Variants in HPS5 observed in about 807,000 individuals in gnomAD.
The protein encoded by HPS5 is HPS5 biogenesis of lysosomal organelles complex 2 subunit 2.
HPS5 carries 83 observed loss-of-function variants against 128.0 expected under a neutral mutation model. The observed-to-expected ratio is 0.65, with a 90% CI of 0.54 to 0.78. HPS5 has a LOEUF of 0.78. HPS5 is among the 30% of genes least tolerant of loss of function. The pLI is 0.00. For missense variants in HPS5, 1,281 were observed against 1,326.2 expected, an observed-to-expected ratio of 0.97 and a Z score of 0.53; for synonymous variants, 475 against 470.2, an observed-to-expected ratio of 1.01 and a Z score of -0.13.
At chr11:18,299,955 G>A (rs1861504857) in intron 9 of HPS5, among the ~76,000 whole-genome samples, 1 of 152,152 alleles carries the variant, frequency 6.6e-6, no homozygotes, top group Non-Finnish European at 1.5e-5. Flanking sequence ...GCAGAACAGA[G>A]GTGACTAGAT....
intron 2 of HPS5, among the ~76,000 whole-genome samples, chr11:18,315,807 G>T (rs1220817322): frequency 1.3e-5 from 2 of 152,106 alleles, no homozygotes; most frequent in Non-Finnish European, 2.9e-5. Context: ...TTATCTGGGG[G>T]ATTTTACCTG....
rs762866124 is a variant in HPS5 at position 18,312,015 on chromosome 11, T to C, written c.118A>G (p.Ile40Val). The change falls in exon 3 of 23, where the codon ATA becomes GTA. Residue 40 changes from isoleucine (I) to valine (V), a missense_variant. Coordinates refer to ENST00000349215, the MANE Select transcript of HPS5 (RefSeq NM_181507.2). Reference sequence around the variant, plus strand: ...GCCAACCATTTCCGAGACACAGCTATGCTCGTGCACTAAAAACATGTGAAG... The same window carrying C: ...GCCAACCATTTCCGAGACACAGCTACGCTCGTGCACTAAAAACATGTGAAG... Reference protein sequence around the residue: ...LDSSRLKCTSIAVSRKWLALG... With the variant: ...LDSSRLKCTSVAVSRKWLALG... 8 of 1,612,798 alleles carry C rather than the reference T, an allele frequency of 5.0e-6. No individual in the cohort carries two copies. The South Asian group carries it at 8.8e-5, about 18-fold the overall frequency.
intron 18 of HPS5, among the ~76,000 whole-genome samples, chr11:18,287,269 C>T (rs1050227702): frequency 1.6e-4 from 25 of 152,204 alleles, no homozygotes; most frequent in Admixed American, 1.3e-4. Context: ...AGCTTATCTT[C>T]TTAGTTCAGG....
intron 4 of HPS5, 41 bp downstream of exon 4, chr11:18,311,346 G>T: frequency 2.2e-6 from 3 of 1,347,918 alleles, no homozygotes; most frequent in Non-Finnish European, 3.2e-6. Context: ...AATTTAAAAT[G>T]CATTTGAAAA....
intron 9 of HPS5, among the ~76,000 whole-genome samples, chr11:18,299,183 T>C (rs909642715): frequency 2.0e-5 from 3 of 152,244 alleles, no homozygotes; most frequent in African/African-American, 7.2e-5. Context: ...AAGAAAGAAC[T>C]ATATCTCTCT....
At chr11:18,283,471 G>A (rs1274718669) in intron 21 of HPS5, among the ~76,000 whole-genome samples, 1 of 150,920 alleles carries the variant, frequency 6.6e-6, no homozygotes, top group African/African-American at 2.4e-5. Flanking sequence ...TCTGGAAAGT[G>A]GAAATAATAG....
At chr11:18,285,668 C>T (rs1334004822) in intron 19 of HPS5, among the ~76,000 whole-genome samples, 1 of 152,106 alleles carries the variant, frequency 6.6e-6, no homozygotes, top group African/African-American at 2.4e-5. Context: ...TAATCAAAAG[C>T]AAAAGAAATA....
chr11:18,300,865 A>G lies in HPS5; in HGVS notation c.948T>C (p.Pro316=), dbSNP rs1435931262. The change falls in exon 9 of 23, where the codon CCT becomes CCC. Residue 316 remains proline, a synonymous_variant. Coordinates refer to ENST00000349215, the MANE Select transcript of HPS5 (RefSeq NM_181507.2). ...WTERGIYIFI[P]QNVQVLLWSE... ...TCCAAAGAAGAACTTGAACATTCTG[A>G]GGAATGAAAATATAAATTCCTCTTT... is the stretch of plus-strand genomic sequence containing the variant. The G allele has an allele frequency of 6.3e-7, 1 of 1,598,504 alleles. No individual in the cohort carries two copies. The highest frequency in any genetic ancestry group is 2.2e-5 in the East Asian group (1 of 44,798).
chr11:18,315,517 G>A (rs975128461), intron 2 of HPS5, among the ~76,000 whole-genome samples: 18 of 152,002 alleles, frequency 1.2e-4, no homozygotes, highest in African/African-American at 4.4e-4. Context: ...GGAGGCTGAG[G>A]CACAAGACTC....
At chr11:18,282,330 A>C (rs1859096834) in intron 21 of HPS5, 110 bp from the exon 22 acceptor site, 1 of 1,235,760 alleles carries the variant, frequency 8.1e-7, no homozygotes. Flanking sequence ...AAAATATTCA[A>C]GAACACAATC....
At chr11:18,318,126 C>T (rs1469248324) in intron 1 of HPS5, among the ~76,000 whole-genome samples, 1 of 152,172 alleles carries the variant, frequency 6.6e-6, no homozygotes, top group Non-Finnish European at 1.5e-5. Context: ...ATTCTCAGGG[C>T]CCTCCATAAG....
At chr11:18,300,720 AGTCAT>A in intron 9 of HPS5, 103 bp downstream of exon 9, 1 of 536,714 alleles carries the variant, frequency 1.9e-6, no homozygotes, top group Non-Finnish European at 3.4e-6. Context: ...AAAAAAAAAA[AGTCAT>A]CCCATCCTAT....
chr11:18,293,124 CA>C, intron 14 of HPS5, 148 bp from the exon 15 acceptor site: 1 of 709,110 alleles, frequency 1.4e-6, no homozygotes, highest in Non-Finnish European at 2.6e-6. Flanking sequence ...CGGGTTCAAG[CA>C]ATTCTCCCTG....
intron 4 of HPS5, 116 bp from the exon 5 acceptor site, chr11:18,311,049 G>C (rs1862926451): frequency 2.5e-6 from 2 of 794,646 alleles, no homozygotes; most frequent in South Asian, 3.0e-5. Context: ...TCAGAAAAGA[G>C]GAAGTATTAT....
Position 18,287,548 on chromosome 11 carries a change from G to C in HPS5, c.2704C>G (p.Pro902Ala), listed in dbSNP as rs761180374. The C allele has an allele frequency of 3.1e-6, 5 of 1,614,104 alleles. No homozygotes were observed. In the East Asian group the frequency reaches 8.9e-5, roughly 29 times the overall value. ...TCTCCTTCTCACCGCTGATCTTCAG[G>C]CCTTGATTTCACCAGACTGTCTAAA... is the stretch of plus-strand genomic sequence containing the variant. ...AYLDSLVKSR[P>A]EDQRSSFLES... Residue 902 changes from proline (P) to alanine (A), a missense_variant, in exon 18 of 23, where the codon CCT (proline) becomes GCT (alanine). Coordinates refer to ENST00000349215, the MANE Select transcript of HPS5 (RefSeq NM_181507.2).
At chr11:18,301,708 T>C (rs950827995) in intron 8 of HPS5, among the ~76,000 whole-genome samples, 2 of 152,176 alleles carry the variant, frequency 1.3e-5, no homozygotes, top group African/African-American at 4.8e-5. Context: ...TGCTCAACGA[T>C]GTGCCAGGAG....
chr11:18,285,514 CTTAT>C (rs1564929411), intron 19 of HPS5, 55 bp from the exon 20 acceptor site: 1 of 1,168,308 alleles, frequency 8.6e-7, no homozygotes. Flanking sequence ...CTAGAAAATG[CTTAT>C]TTATCACCTA....
In HPS5 at chr11:18,287,893, C is replaced by T. The variant is rs200189057; in HGVS notation, c.2561G>A (p.Arg854Gln). 6.9e-5 allele frequency: 112 copies of T among 1,613,832 alleles called. No homozygotes were observed. Among genetic ancestry groups the T allele is most frequent in the Non-Finnish European group, 8.7e-5 (103 of 1,179,994 alleles). ...DSPLLVVYAT[R>Q]LYEKFGESAL... Reference sequence around the variant, plus strand: ...ATAAACAATATACAGGACAACTTACCGGGTAGCATAAACAACCAACAACGG... The same window carrying T: ...ATAAACAATATACAGGACAACTTACTGGGTAGCATAAACAACCAACAACGG... Residue 854 changes from arginine to glutamine, a missense_variant and splice_region_variant, in exon 17 of 23, where the codon CGG becomes CAG. Physicochemically the swap from Arg to Gln is conservative, Grantham distance 43. Coordinates refer to ENST00000349215, the MANE Select transcript of HPS5 (RefSeq NM_181507.2).
rs777104961 is a variant in HPS5 at position 18,297,756 on chromosome 11, G to T, written c.1165-39C>A. ...AGCGCAATGGAATAGCTATTTGTAG[G>T]TAAATCTATATTCAAATGGCCAATA... is the stretch of plus-strand genomic sequence containing the variant. On this transcript the variant is annotated intron_variant, in intron 10 of 22. Transcript: ENST00000349215. 3 of 1,588,996 alleles carry T rather than the reference G, an allele frequency of 1.9e-6. No homozygotes were observed. In the Admixed American group the frequency reaches 5.0e-5, roughly 26 times the overall value.
Sources: allele counts gnomAD v4.1 joint callset (sites outside exome capture counted in the v4.1 genomes callset), GRCh38; gene constraint gnomAD v4.1.1; transcripts MANE v1.5; gene names NCBI Gene and HGNC (gene_info 2026-07-23, HGNC 2026-07-21).